The following STK32B variants were observed in gnomAD, a reference collection of about 807,000 sequenced individuals.
STK32B encodes serine/threonine kinase 32B.
STK32B carries 43 observed loss-of-function variants against 52.6 expected under a neutral mutation model. That is an observed-to-expected ratio of 0.82 (90% CI 0.64 to 1.05). STK32B has a LOEUF of 1.05. Among genes scored for constraint, STK32B ranks in the 50% least tolerant of loss-of-function variants. The probability of loss-of-function intolerance (pLI) is 0.00; values close to 1 mark genes in which losing one functional copy is unlikely to be tolerated. For missense variants in STK32B, 621 were observed against 534.6 expected (o/e 1.16, Z -1.59); for synonymous variants, 238 against 204.3 (o/e 1.17, Z -1.41).
In STK32B at chr4:5,337,876, T is replaced by G. The variant is rs867763001; in HGVS notation, c.434+6483T>G. Among the ~76,000 whole-genome samples the G allele has an allele frequency of 6.6e-5, 10 of 152,214 alleles. 1 individual carries two copies. In the South Asian group the frequency reaches 1.7e-3, roughly 25 times the overall value. On this transcript the variant is annotated intron_variant, in intron 4 of 11. Coordinates refer to ENST00000282908, the MANE Select transcript of STK32B (RefSeq NM_018401.3). ...AATCTAACCAAAAACTCAATTATAC[T>G]CTATTGAGAAACTGGGGAAATGGGA...
intron 3 of STK32B, among the ~76,000 whole-genome samples, chr4:5,326,982 C>G (rs1291327841): frequency 2.0e-5 from 3 of 152,104 alleles, no homozygotes; most frequent in Admixed American, 6.6e-5. Flanking sequence ...TATTCTAAAC[C>G]TCTTGTGTCA....
chr4:5,470,709 A>T lies in STK32B; in HGVS notation c.1106+2639A>T, dbSNP rs6846105. 6.6e-6 allele frequency among the ~76,000 whole-genome samples: 1 copy of T among 152,190 alleles called. No homozygotes were observed. The highest frequency in any genetic ancestry group is 1.5e-5 in the Non-Finnish European group (1 of 68,048). ...CTGCAGTTTCTCAGCAGTAAAAAAA[A>T]TGCCTATGAGAAGTTGATTCATGAC... On this transcript the variant is annotated intron_variant, in intron 11 of 11. Transcript: ENST00000282908. The surrounding 1 kb of genome is among the most constrained non-coding windows in gnomAD (Gnocchi z 4.6).
chr4:5,239,616 C>G (rs1480352178), intron 3 of STK32B, among the ~76,000 whole-genome samples: 1 of 152,006 alleles, frequency 6.6e-6, no homozygotes, highest in Non-Finnish European at 1.5e-5. Flanking sequence ...TGATGCTGGG[C>G]AAGGCTGAGC....
chr4:5,338,043 A>C (rs1012265282), intron 4 of STK32B, among the ~76,000 whole-genome samples: 2 of 152,232 alleles, frequency 1.3e-5, no homozygotes, highest in Admixed American at 6.5e-5. Context: ...AAGGAGTTAG[A>C]TACCAAAATT....
chr4:5,409,657 T>C (rs1737892473), intron 5 of STK32B, among the ~76,000 whole-genome samples: 1 of 152,096 alleles, frequency 6.6e-6, no homozygotes, highest in Non-Finnish European at 1.5e-5. Context: ...TCACAGGGCA[T>C]GGGGGCACCA....
chr4:5,372,226 G>A (rs1735289867), intron 4 of STK32B, among the ~76,000 whole-genome samples: 1 of 152,222 alleles, frequency 6.6e-6, no homozygotes, highest in Non-Finnish European at 1.5e-5. Context: ...AACAGTAAAT[G>A]TGGAAACAGA....
intron 1 of STK32B, among the ~76,000 whole-genome samples, chr4:5,077,581 C>A (rs1712157016): frequency 6.6e-6 from 1 of 152,146 alleles, no homozygotes; most frequent in African/African-American, 2.4e-5. Flanking sequence ...CCTCCCCAGC[C>A]CTTTTCCCAA....
At chr4:5,239,452 G>C (rs1240736545) in intron 3 of STK32B, among the ~76,000 whole-genome samples, 1 of 152,134 alleles carries the variant, frequency 6.6e-6, no homozygotes, top group African/African-American at 2.4e-5. Context: ...TGAGGGGACA[G>C]TTGCAGGGAC....
Position 5,331,324 on chromosome 4 carries a change from C to T in STK32B, c.365C>T (p.Thr122Ile), listed in dbSNP as rs1577357149. 2.5e-6 allele frequency: 4 copies of T among 1,613,958 alleles called. No homozygotes were observed. The South Asian group carries it at 4.4e-5, about 18-fold the overall frequency. Reference sequence around the variant, plus strand: ...CAGAATGTGCATTTCACAGAGGGGACTGTGAAACTCTACATCTGTGAGCTG... The same window carrying T: ...CAGAATGTGCATTTCACAGAGGGGATTGTGAAACTCTACATCTGTGAGCTG... ...LQQNVHFTEG[T>I]VKLYICELAL... is the part of the protein sequence containing the mutation. Residue 122 changes from threonine to isoleucine, a missense_variant, in exon 4 of 12, where the codon ACT becomes ATT. Physicochemically the swap from Thr to Ile is moderately conservative, Grantham distance 89. Transcript: ENST00000282908.
intron 3 of STK32B, among the ~76,000 whole-genome samples, 182 bp downstream of exon 3, chr4:5,168,632 A>T (rs1484771497): frequency 6.6e-6 from 1 of 152,232 alleles, no homozygotes; most frequent in Non-Finnish European, 1.5e-5. Flanking sequence ...CATATGTTTC[A>T]TTTTCATTTT....
At chr4:5,176,293 G>GCTGCACCCACTGTT (rs1424568628) in intron 3 of STK32B, among the ~76,000 whole-genome samples, 2 of 152,120 alleles carry the variant, frequency 1.3e-5, no homozygotes, top group Admixed American at 1.3e-4. Flanking sequence ...CGCATGGTGT[G>GCTGCACCCACTGTT]CTGCACCCAC....
At chr4:5,263,427 C>G (rs1385753901) in intron 3 of STK32B, among the ~76,000 whole-genome samples, 1 of 152,152 alleles carries the variant, frequency 6.6e-6, no homozygotes, top group Non-Finnish European at 1.5e-5. Flanking sequence ...CTGCAGAACT[C>G]TGTGAAATGT....
chr4:5,192,764 G>C (rs58636242), intron 3 of STK32B, among the ~76,000 whole-genome samples: 2 of 150,854 alleles, frequency 1.3e-5, no homozygotes, highest in East Asian at 2.0e-4. Context: ...GGCAAATTTC[G>C]AGTACACAAG....
intron 3 of STK32B, among the ~76,000 whole-genome samples, chr4:5,289,971 A>G (rs962727775): frequency 2.4e-4 from 37 of 152,084 alleles, no homozygotes; most frequent in Admixed American, 2.0e-3. Context: ...GCTAATAAGC[A>G]TAGTACCCAA....
At chr4:5,098,706 T>C (rs79681079) in intron 1 of STK32B, among the ~76,000 whole-genome samples, 2 of 152,338 alleles carry the variant, frequency 1.3e-5, no homozygotes, top group Non-Finnish European at 2.9e-5. Flanking sequence ...CCAAAAACTC[T>C]GCCCTCTTCC....
At chr4:5,203,001 G>A (rs1362857533) in intron 3 of STK32B, among the ~76,000 whole-genome samples, 6 of 152,182 alleles carry the variant, frequency 3.9e-5, no homozygotes, top group Non-Finnish European at 8.8e-5. Flanking sequence ...TTATGGAAAG[G>A]GCTTGGATGT....
At chr4:5,274,233 T>C (rs1439357451) in intron 3 of STK32B, among the ~76,000 whole-genome samples, 1 of 152,188 alleles carries the variant, frequency 6.6e-6, no homozygotes, top group African/African-American at 2.4e-5. Context: ...TTTCAAGTCT[T>C]ATTATAAATA....
chr4:5,053,854 C>T (rs948634859), intron 1 of STK32B, among the ~76,000 whole-genome samples: 4 of 152,062 alleles, frequency 2.6e-5, no homozygotes, highest in Admixed American at 2.6e-4. Context: ...TGGCGGGAAC[C>T]TGTAATCCCA....
At chr4:5,288,843 T>C (rs1212224729) in intron 3 of STK32B, among the ~76,000 whole-genome samples, 1 of 152,236 alleles carries the variant, frequency 6.6e-6, no homozygotes, top group Admixed American at 6.5e-5. Flanking sequence ...TGAAATAATC[T>C]GTCAGCACAA....
Sources: gnomAD v4.1 joint callset for allele counts (sites outside exome capture counted in the v4.1 genomes callset) on GRCh38, gnomAD v4.1.1 for gene constraint, Gnocchi (gnomAD v3.1) non-coding constraint, MANE v1.5 for transcripts, NCBI Gene and HGNC (gene_info 2026-07-23, HGNC 2026-07-21) for gene names.